The following EVI5L variants were observed in gnomAD, a reference collection of about 807,000 sequenced individuals.
EVI5L encodes ecotropic viral integration site 5 like.
EVI5L carries 30 observed loss-of-function variants against 106.1 expected under a neutral mutation model. That is an observed-to-expected ratio of 0.28 (90% CI 0.21 to 0.38). EVI5L has a LOEUF of 0.38. Ranked by LOEUF, EVI5L falls within the 10% of genes least tolerant of loss-of-function variation. The pLI, the probability that EVI5L is intolerant of heterozygous loss-of-function variation, is 1.00. For missense variants in EVI5L, 809 were observed against 1,098.0 expected, an observed-to-expected ratio of 0.74 and a Z score of 3.72; for synonymous variants, 489 against 483.3, an observed-to-expected ratio of 1.01 and a Z score of -0.15.
At position 7,846,646 on chromosome 19, in the gene EVI5L, T is replaced by C; in HGVS notation, c.104T>C (p.Leu35Pro). The change falls in exon 2 of 20, where the codon CTG (leucine) becomes CCG (proline). Residue 35 changes from leucine to proline, a missense_variant. Coordinates refer to ENST00000538904, the MANE Select transcript of EVI5L (RefSeq NM_001159944.3). ...TCCGAGAACCTCAGCCCCGATGAGC[T>C]GGAGCTGCTGGCCAAGCTCGAAGAG... ...SDSENLSPDELELLAKLEEQN... is the reference protein window; with the variant it reads ...SDSENLSPDEPELLAKLEEQN... 6.2e-7 allele frequency: 1 copy of C among 1,613,476 alleles called. No homozygotes were observed. Among genetic ancestry groups the C allele is most frequent in the Non-Finnish European group, 8.5e-7 (1 of 1,179,848 alleles).
intron 1 of EVI5L, among the ~76,000 whole-genome samples, chr19:7,834,505 G>A (rs964837938): frequency 3.3e-5 from 5 of 152,170 alleles, no homozygotes; most frequent in East Asian, 1.9e-4. Flanking sequence ...AGCCAAAGGT[G>A]TGTGCTGCTG....
chr19:7,834,118 G>A (rs1203002340), intron 1 of EVI5L, among the ~76,000 whole-genome samples: 4 of 152,024 alleles, frequency 2.6e-5, no homozygotes, highest in Admixed American at 1.3e-4. Flanking sequence ...AGGCCGAGGC[G>A]GGTGGATCAC....
chr19:7,843,244 A>ATG (rs1295807680), intron 1 of EVI5L, among the ~76,000 whole-genome samples: 1 of 73,704 alleles, frequency 1.4e-5, no homozygotes, highest in Middle Eastern at 0.013. Flanking sequence ...GAGTGTGTGC[A>ATG]TGTGTGTATA....
chr19:7,855,940 C>T, intron 10 of EVI5L, 75 bp from the exon 11 acceptor site: 2 of 1,263,298 alleles, frequency 1.6e-6, no homozygotes, highest in Non-Finnish European at 1.0e-6. Flanking sequence ...CTGACCCCGG[C>T]AGTGGGTAAA....
In EVI5L at chr19:7,857,909, G is replaced by A. The variant is rs1979610080; in HGVS notation, c.1234-282G>A. 2 of 431,456 alleles carry A rather than the reference G, an allele frequency of 4.6e-6. No individual in the cohort carries two copies. The highest frequency in any genetic ancestry group is 5.7e-5 in the South Asian group (2 of 35,014). The allele number at this position is 431,456 out of a possible 1,614,324, so 26.7% of individuals were successfully genotyped here. A position where few individuals can be genotyped will look rare whatever the true frequency, so the allele number is the denominator to read the frequency against. On this transcript the variant is annotated intron_variant, in intron 12 of 19. Transcript: ENST00000538904. The surrounding 1 kb of genome is among the most constrained non-coding windows in gnomAD (Gnocchi z 4.5). ...TGCCCCTGGATAAGGATCCCAACTGGGGCAGAGACTGAGAGCCAGAGTGGG... is the reference window on the plus strand; with the variant it reads ...TGCCCCTGGATAAGGATCCCAACTGAGGCAGAGACTGAGAGCCAGAGTGGG...
chr19:7,840,019 G>A (rs1314041917), intron 1 of EVI5L, among the ~76,000 whole-genome samples: 1 of 152,210 alleles, frequency 6.6e-6, no homozygotes, highest in Non-Finnish European at 1.5e-5. Context: ...CATGAGAAGG[G>A]AGGAGGGGAA....
rs1172125898 is a variant in EVI5L, at chr19:7,863,552, C to T, written c.2268C>T (p.Gly756=). 6.3e-7 allele frequency: 1 copy of T among 1,599,922 alleles called. No individual in the cohort carries two copies. Among genetic ancestry groups the T allele is most frequent in the Non-Finnish European group, 8.5e-7 (1 of 1,174,300 alleles). Residue 756 remains glycine (G), a synonymous_variant, in exon 20 of 20, where the codon GGC becomes GGT. Transcript: ENST00000538904. This position sits in a 1 kb window ranked among gnomAD's most constrained non-coding sequence, Gnocchi z 7.7. ...AGGAGCTACTTGGCGTAGGCGTGGG[C>T]GCTGCCCTGCAGGACGCATTGTACC... ...SDEELLGVGV[G]AALQDALYPL...
At chr19:7,842,016 G>A (rs1486171311) in intron 1 of EVI5L, among the ~76,000 whole-genome samples, 2 of 152,190 alleles carry the variant, frequency 1.3e-5, no homozygotes, top group Non-Finnish European at 2.9e-5. Flanking sequence ...CGTGTGTGTA[G>A]ATGGGTGGGA....
chr19:7,855,038 C>T (rs532449327), intron 10 of EVI5L, among the ~76,000 whole-genome samples: 2 of 152,044 alleles, frequency 1.3e-5, no homozygotes, highest in African/African-American at 4.8e-5. Context: ...CAGGTACAGT[C>T]GAGATTCAAC....
intron 13 of EVI5L, among the ~76,000 whole-genome samples, chr19:7,859,693 G>A (rs964410365): frequency 2.6e-5 from 4 of 152,316 alleles, no homozygotes; most frequent in East Asian, 1.9e-4. Context: ...TTTCAGGCTC[G>A]TTAGAGAGAC....
Position 7,851,713 on chromosome 19 carries a change from C to G in EVI5L, c.930C>G (p.Ala310=). Residue 310 remains alanine, a synonymous_variant, in exon 8 of 20, where the codon GCC becomes GCG. Transcript: ENST00000538904. Reference sequence around the variant, plus strand: ...AGATCGTGTTCCGAGTGGGCCTCGCCCTGCTGCAGGTGAACCAGGCAGAGC... The same window carrying G: ...AGATCGTGTTCCGAGTGGGCCTCGCGCTGCTGCAGGTGAACCAGGCAGAGC... ...GLEIVFRVGL[A]LLQVNQAELM... 1.3e-6 allele frequency: 2 copies of G among 1,558,882 alleles called. No individual in the cohort carries two copies. Among genetic ancestry groups the G allele is most frequent in the Non-Finnish European group, 1.7e-6 (2 of 1,156,310 alleles).
intron 14 of EVI5L, 65 bp from the exon 15 acceptor site, chr19:7,861,813 T>C: frequency 1.6e-5 from 24 of 1,537,154 alleles, no homozygotes; most frequent in Non-Finnish European, 2.0e-5. Context: ...TGGGGGCGTT[T>C]GTCCTGCAGG....
intron 1 of EVI5L, among the ~76,000 whole-genome samples, chr19:7,839,460 A>G (rs961350444): frequency 6.6e-6 from 1 of 152,124 alleles, no homozygotes; most frequent in Non-Finnish European, 1.5e-5. Flanking sequence ...TGGGAAGGGC[A>G]TGCACGTCTT....
intron 8 of EVI5L, 57 bp downstream of exon 8, chr19:7,851,827 C>T (rs1403136681): frequency 4.9e-6 from 7 of 1,434,484 alleles, no homozygotes; most frequent in Admixed American, 5.6e-5. Flanking sequence ...CTTCGAGTCA[C>T]AGGATGCCCT....
At position 7,850,245 on chromosome 19, in the gene EVI5L, G is replaced by C; in HGVS notation, c.753+123G>C. 1.4e-6 allele frequency: 2 copies of C among 1,385,268 alleles called. No homozygotes were observed. Among genetic ancestry groups the C allele is most frequent in the Non-Finnish European group, 1.9e-6 (2 of 1,045,652 alleles). 85.8% of individuals were successfully genotyped at this position (1,385,268 alleles called of 1,614,324 possible). A position where few individuals can be genotyped will look rare whatever the true frequency, so the allele number is the denominator to read the frequency against. On this transcript the variant is annotated intron_variant, in intron 6 of 19. Coordinates refer to ENST00000538904, the MANE Select transcript of EVI5L (RefSeq NM_001159944.3). This position sits in a 1 kb window ranked among gnomAD's most constrained non-coding sequence, Gnocchi z 5.4. The stretch of plus-strand genomic sequence containing the variant: ...CCTAGACCATACCCGGGCACCTCTT[G>C]GACTGAAAATTCCAAGCCTGTGAAA...
Position 7,848,032 on chromosome 19 carries a change from G to A in EVI5L, c.327+111G>A. On this transcript the variant is annotated intron_variant, in intron 3 of 19. Coordinates refer to ENST00000538904, the MANE Select transcript of EVI5L (RefSeq NM_001159944.3). This position sits in a 1 kb window ranked among gnomAD's most constrained non-coding sequence, Gnocchi z 4.8. ...GCGGGGCCCCAGCCTGGGCACAGCG[G>A]CAGCAGTGGAGATGTGCAGGCACTT... 8.4e-7 allele frequency: 1 copy of A among 1,191,476 alleles called. No homozygotes were observed. Among genetic ancestry groups the A allele is most frequent in the East Asian group, 2.6e-5 (1 of 38,822 alleles). 73.8% of individuals were successfully genotyped at this position (1,191,476 alleles called of 1,614,324 possible). A position where few individuals can be genotyped will look rare whatever the true frequency, so the allele number is the denominator to read the frequency against.
chr19:7,840,960 G>A (rs562941385), intron 1 of EVI5L, among the ~76,000 whole-genome samples: 4 of 152,312 alleles, frequency 2.6e-5, no homozygotes, highest in South Asian at 2.1e-4. Flanking sequence ...TGAGCCCTAC[G>A]AGTGGATTTG....
In EVI5L at chr19:7,863,786, CACTTGACA is replaced by C; in HGVS notation, c.*86_*93del. On this transcript the variant is annotated 3_prime_UTR_variant, in exon 20 of 20. Transcript: ENST00000538904. This position sits in a 1 kb window ranked among gnomAD's most constrained non-coding sequence, Gnocchi z 7.7. ...TCCGCGTTCTGCTCCCCACCTGCCG[CACTTGACA>C]AACTACGCGCCCTCTGTGGCTCGGC... 7.1e-7 allele frequency: 1 copy of C among 1,410,708 alleles called. No individual in the cohort carries two copies. Among genetic ancestry groups the C allele is most frequent in the East Asian group, 2.7e-5 (1 of 37,316 alleles). The allele number at this position is 1,410,708 out of a possible 1,614,324, so 87.4% of individuals were successfully genotyped here.
Position 7,863,883 on chromosome 19 carries a change from G to GC in EVI5L, c.*185dup, listed in dbSNP as rs925872592. On this transcript the variant is annotated 3_prime_UTR_variant, in exon 20 of 20. Transcript: ENST00000538904. The surrounding 1 kb of genome is among the most constrained non-coding windows in gnomAD (Gnocchi z 7.7). ...TAGGGTCCGACCTGGGCTCCTCAGG[G>GC]CCCCGGGGCAGGCTCTCTATCCCCA... is the stretch of plus-strand genomic sequence containing the variant. The GC allele has an allele frequency of 1.2e-6, 1 of 810,876 alleles. No individual in the cohort carries two copies. Among genetic ancestry groups the GC allele is most frequent in the Non-Finnish European group, 1.8e-6 (1 of 554,584 alleles). 50.2% of individuals were successfully genotyped at this position (810,876 alleles called of 1,614,324 possible). A position where few individuals can be genotyped will look rare whatever the true frequency, so the allele number is the denominator to read the frequency against.
Sources: gnomAD v4.1 joint callset for allele counts (sites outside exome capture counted in the v4.1 genomes callset) on GRCh38, gnomAD v4.1.1 for gene constraint, Gnocchi (gnomAD v3.1) non-coding constraint, MANE v1.5 for transcripts, NCBI Gene and HGNC (gene_info 2026-07-23, HGNC 2026-07-21) for gene names.